The following TRPM8 variants were observed in gnomAD, a reference collection of about 807,000 sequenced individuals.
TRPM8 encodes TRPM8 cationic channel.
TRPM8 carries 110 observed loss-of-function variants against 133.7 expected under a neutral mutation model. The ratio of observed to expected loss-of-function variants is 0.82; its 90% CI spans 0.70 to 0.96. The LOEUF is 0.96. Among genes scored for constraint, TRPM8 ranks in the 40% least tolerant of loss-of-function variants. The pLI is 0.00. For synonymous variants in TRPM8, 535 were observed against 532.3 expected (o/e 1.01, Z -0.07); for missense variants, 1,291 against 1,379.5 (o/e 0.94, Z 1.02).
chr2:233,983,052 G>A lies in TRPM8; in HGVS notation c.2590-1G>A. On this transcript the variant is annotated splice_acceptor_variant, in intron 19 of 25. Coordinates refer to ENST00000324695, the MANE Select transcript of TRPM8 (RefSeq NM_024080.5). LOFTEE classifies it high-confidence loss of function. Reference sequence around the variant, plus strand: ...TCCGCTCTCCTGTCCTCCCCTGACAGCTGATCGATGTGTTCTTCTTCCTGT... The same window carrying A: ...TCCGCTCTCCTGTCCTCCCCTGACAACTGATCGATGTGTTCTTCTTCCTGT... The A allele has an allele frequency of 2.5e-6, 4 of 1,611,720 alleles. No homozygotes were observed. Among genetic ancestry groups the A allele is most frequent in the East Asian group, 2.2e-5 (1 of 44,804 alleles).
chr2:233,973,218 G>A (rs1039674788), intron 17 of TRPM8, among the ~76,000 whole-genome samples: 4 of 152,172 alleles, frequency 2.6e-5, no homozygotes, highest in East Asian at 1.9e-4. Context: ...CCATGCCCTC[G>A]GTATTAGTCT....
chr2:233,933,402 C>T (rs1574696983), intron 3 of TRPM8, among the ~76,000 whole-genome samples: 1 of 152,172 alleles, frequency 6.6e-6, no homozygotes, highest in Non-Finnish European at 1.5e-5. Flanking sequence ...TCAGTGGCTA[C>T]CATATTGGAC....
intron 11 of TRPM8, among the ~76,000 whole-genome samples, chr2:233,959,596 C>A (rs1347916578): frequency 6.6e-6 from 1 of 151,996 alleles, no homozygotes; most frequent in African/African-American, 2.4e-5. Context: ...CAGGTGTGAG[C>A]CACTGTGCCT....
At chr2:233,949,032 T>C (rs945286239) in intron 8 of TRPM8, among the ~76,000 whole-genome samples, 17 of 152,074 alleles carry the variant, frequency 1.1e-4, no homozygotes, top group Non-Finnish European at 2.4e-4. Context: ...AGACTTTGTC[T>C]CAAAAAAACA....
At chr2:233,997,285 A>G (rs923453255) in intron 22 of TRPM8, among the ~76,000 whole-genome samples, 3 of 152,218 alleles carry the variant, frequency 2.0e-5, no homozygotes, top group African/African-American at 4.8e-5. Context: ...AAAAAAAAGA[A>G]AGAAAGAAAT....
chr2:233,998,407 T>G (rs1337628742), intron 22 of TRPM8, among the ~76,000 whole-genome samples: 1 of 152,206 alleles, frequency 6.6e-6, no homozygotes, highest in Non-Finnish European at 1.5e-5. Context: ...GGTGACCATC[T>G]CGTTGTAGTT....
chr2:233,996,232 C>A, intron 21 of TRPM8, 94 bp from the exon 22 acceptor site: 2 of 1,115,584 alleles, frequency 1.8e-6, no homozygotes, highest in Non-Finnish European at 2.6e-6. Context: ...TAAGCTATTG[C>A]AGTAATAGCT....
rs202160114 is a variant in TRPM8 at position 233,981,765 on chromosome 2, T to C, written c.2448-9T>C. On this transcript the variant is annotated splice_polypyrimidine_tract_variant and intron_variant, in intron 18 of 25. Coordinates refer to ENST00000324695, the MANE Select transcript of TRPM8 (RefSeq NM_024080.5). ...ATCTCATGAATTCTGTTCCTTCTTT[T>C]CCCCCTAGGCTCCACTCTTCTAATA... is the stretch of plus-strand genomic sequence containing the variant. The C allele has an allele frequency of 2.1e-5, 33 of 1,589,652 alleles. No homozygotes were observed. In the East Asian group the frequency reaches 5.4e-4, roughly 26 times the overall value.
chr2:233,924,644 A>G (rs1691475904), intron 1 of TRPM8, among the ~76,000 whole-genome samples: 1 of 152,222 alleles, frequency 6.6e-6, no homozygotes, highest in Admixed American at 6.5e-5. Context: ...TCGGAATGTC[A>G]GAGGAGGGCT....
intron 22 of TRPM8, among the ~76,000 whole-genome samples, chr2:233,998,220 C>T (rs560647770): frequency 6.6e-5 from 10 of 152,062 alleles, no homozygotes; most frequent in Non-Finnish European, 1.0e-4. Flanking sequence ...CTCAGGGGCT[C>T]CTGAACATCT....
intron 8 of TRPM8, chr2:233,947,374 C>T: frequency 6.6e-7 from 1 of 1,524,660 alleles, no homozygotes; most frequent in Non-Finnish European, 8.8e-7. Flanking sequence ...AACCTGTGTA[C>T]TTAGTGTTGG....
intron 11 of TRPM8, 63 bp downstream of exon 11, chr2:233,955,313 C>T: frequency 8.2e-7 from 1 of 1,224,240 alleles, no homozygotes; most frequent in Non-Finnish European, 1.2e-6. Flanking sequence ...TGGGCAATGT[C>T]TGATCCATTT....
intron 23 of TRPM8, among the ~76,000 whole-genome samples, chr2:234,007,236 A>G (rs1268590577): frequency 6.6e-6 from 1 of 152,218 alleles, no homozygotes; most frequent in East Asian, 1.9e-4. Flanking sequence ...GAACTAGGTA[A>G]CAAGAGGGTG....
At chr2:233,947,834 G>T (rs1406220694) in intron 8 of TRPM8, among the ~76,000 whole-genome samples, 1 of 152,114 alleles carries the variant, frequency 6.6e-6, no homozygotes, top group Non-Finnish European at 1.5e-5. Flanking sequence ...AGGGTCAGGG[G>T]TATATGTGTA....
intron 22 of TRPM8, among the ~76,000 whole-genome samples, chr2:234,002,579 C>T (rs1216227355): frequency 6.6e-6 from 1 of 152,190 alleles, no homozygotes; most frequent in East Asian, 1.9e-4. Flanking sequence ...TTAGGCTTCT[C>T]AGATCCTGAT....
chr2:233,946,973 G>T, intron 7 of TRPM8, 115 bp from the exon 8 acceptor site: 1 of 843,544 alleles, frequency 1.2e-6, no homozygotes. Flanking sequence ...GAGATGTGAA[G>T]CTATCTCTCC....
rs527410302 is a variant in TRPM8, at chr2:233,927,406, A to G, written c.117+752A>G. On this transcript the variant is annotated intron_variant, in intron 2 of 25. Coordinates refer to ENST00000324695, the MANE Select transcript of TRPM8 (RefSeq NM_024080.5). ...CTCCCCCAGTTTGGGTCTACCTCCC[A>G]GGGCCCGGGCTAGGCAAGTGAGGCA... Among the ~76,000 whole-genome samples, 95 of 152,210 alleles carry G rather than the reference A, an allele frequency of 6.2e-4. 1 individual carries two copies. Among genetic ancestry groups the G allele is most frequent in the South Asian group, 1.4e-3 (7 of 4,832 alleles).
At chr2:233,971,510 G>A (rs1248382241) in intron 17 of TRPM8, among the ~76,000 whole-genome samples, 8 of 152,158 alleles carry the variant, frequency 5.3e-5, no homozygotes, top group Admixed American at 3.3e-4. Flanking sequence ...GGTCTGAGGT[G>A]CAGATGGGGA....
intron 21 of TRPM8, among the ~76,000 whole-genome samples, chr2:233,987,717 C>G (rs935509673): frequency 6.6e-6 from 1 of 152,188 alleles, no homozygotes; most frequent in Non-Finnish European, 1.5e-5. Flanking sequence ...ATGGTAGCTC[C>G]CATAATTCCC....
Sources: gnomAD v4.1 joint callset for allele counts (sites outside exome capture counted in the v4.1 genomes callset) on GRCh38, gnomAD v4.1.1 for gene constraint, MANE v1.5 for transcripts, NCBI Gene and HGNC (gene_info 2026-07-23, HGNC 2026-07-21) for gene names.